PKM: variants seen among roughly 807,000 people sequenced by gnomAD.
The protein encoded by PKM is pyruvate kinase PKM.
A neutral mutation model predicts 49.8 loss-of-function variants in PKM; 18 were observed. That is an observed-to-expected ratio of 0.36 (90% confidence interval 0.25 to 0.54). PKM has a LOEUF of 0.54. Among genes scored for constraint, PKM ranks in the 20% least tolerant of loss-of-function variants. The pLI, the probability that PKM is intolerant of heterozygous loss-of-function variation, is 0.89. For missense variants in PKM, 508 were observed against 713.8 expected (o/e 0.71, Z 3.28); for synonymous variants, 239 against 261.8 (o/e 0.91, Z 0.84).
chr15:72,202,670 T>C lies in PKM; in HGVS notation c.1141-50A>G. On this transcript the variant is annotated intron_variant, in intron 8 of 10. Coordinates refer to ENST00000335181, the MANE Select transcript of PKM (RefSeq NM_002654.6). The surrounding 1 kb of genome is among the most constrained non-coding windows in gnomAD (Gnocchi z 4.5). Reference sequence around the variant, plus strand: ...GGGACGAGAGGGGGACAGAGCTTTGTCAGAGCTTTGTCACAAAAGGAGAGG... The same window carrying C: ...GGGACGAGAGGGGGACAGAGCTTTGCCAGAGCTTTGTCACAAAAGGAGAGG... 6.6e-7 allele frequency: 1 copy of C among 1,515,244 alleles called. No individual in the cohort carries two copies. Among genetic ancestry groups the C allele is most frequent in the Non-Finnish European group, 9.1e-7 (1 of 1,100,234 alleles). The allele number at this position is 1,515,244 out of a possible 1,614,324, so 93.9% of individuals were successfully genotyped here. A position where few individuals can be genotyped will look rare whatever the true frequency, so the allele number is the denominator to read the frequency against.
rs1485061490 is a variant in PKM, at chr15:72,208,709, C to A, written c.748G>T (p.Asp250Tyr). ...VFASFIRKAS[D>Y]VHEVRKVLGE... ...AGGACCTTCCTAACTTCATGGACAT[C>A]AGATGCCTTGCGGATGAATGACGCA... The change falls in exon 6 of 11, where the codon GAT becomes TAT. Residue 250 changes from aspartate to tyrosine, a missense_variant. Transcript: ENST00000335181. 6.2e-7 allele frequency: 1 copy of A among 1,614,184 alleles called. No homozygotes were observed. The highest frequency in any genetic ancestry group is 1.7e-5 in the Admixed American group (1 of 60,012).
At chr15:72,231,233 C>G (rs1232107103), upstream of PKM, 6 of 163,754 alleles carry the variant, frequency 3.7e-5, no homozygotes, top group African/African-American at 1.2e-4. Context: ...CGCTGCGGGC[C>G]GCCGCAATCC....
chr15:72,226,200 G>A (rs946861578), intron 1 of PKM, among the ~76,000 whole-genome samples: 2 of 152,130 alleles, frequency 1.3e-5, no homozygotes, highest in East Asian at 1.9e-4. Flanking sequence ...GTTCTTTTTC[G>A]TTCATGGCCA....
intron 8 of PKM, among the ~76,000 whole-genome samples, chr15:72,205,070 T>C (rs2082037407): frequency 6.6e-6 from 1 of 151,722 alleles, no homozygotes; most frequent in Non-Finnish European, 1.5e-5. Flanking sequence ...CTACATTAAG[T>C]GGGCCTGGGA....
Position 72,202,704 on chromosome 15 carries a change from G to C in PKM, c.1141-84C>G. On this transcript the variant is annotated intron_variant, in intron 8 of 10. Transcript: ENST00000335181. This position sits in a 1 kb window ranked among gnomAD's most constrained non-coding sequence, Gnocchi z 4.5. ...TGTCACAAAAGGAGAGGGAGGGGAA[G>C]AGTCACCGGACAGCTGGTGAGGAAC... is the stretch of plus-strand genomic sequence containing the variant. 9 of 1,189,004 alleles carry C rather than the reference G, an allele frequency of 7.6e-6. No individual in the cohort carries two copies. The highest frequency in any genetic ancestry group is 1.1e-5 in the Non-Finnish European group (9 of 817,818). 73.7% of individuals were successfully genotyped at this position (1,189,004 alleles called of 1,614,324 possible). A position where few individuals can be genotyped will look rare whatever the true frequency, so the allele number is the denominator to read the frequency against.
In PKM at chr15:72,207,233, C is replaced by A; in HGVS notation, c.881G>T (p.Arg294Leu). ...LEASDGIMVA[R>L]GDLGIEIPAE... is the part of the protein sequence containing the mutation. Reference sequence around the variant, plus strand: ...AGGAATCTCAATGCCTAGATCACCACGAGCCACCATGATCCCATCACTGGC... The same window carrying A: ...AGGAATCTCAATGCCTAGATCACCAAGAGCCACCATGATCCCATCACTGGC... Residue 294 changes from arginine to leucine, a missense_variant, in exon 7 of 11, where the codon CGT becomes CTT. By Grantham distance (102) the Arg-to-Leu change is moderately radical. Transcript: ENST00000335181. 1 of 1,614,114 alleles carries A rather than the reference C, an allele frequency of 6.2e-7. No homozygotes were observed. Among genetic ancestry groups the A allele is most frequent in the Non-Finnish European group, 8.5e-7 (1 of 1,179,980 alleles).
Position 72,220,250 on chromosome 15 carries a change from G to A in PKM, c.-13-1140C>T, listed in dbSNP as rs8192390. Among the ~76,000 whole-genome samples the A allele has an allele frequency of 1.4e-3, 216 of 152,274 alleles. 2 individuals carry two copies. In the East Asian group the frequency reaches 0.032, roughly 23 times the overall value. On this transcript the variant is annotated intron_variant, in intron 1 of 10. Transcript: ENST00000335181. ...TAAAACGCTTGAGCCTAAATGCTTC[G>A]GCCAAGCAAGGCTCAGGAACAAGCT...
chr15:72,217,505 T>C lies in PKM; in HGVS notation c.155-5A>G. 1 of 1,575,444 alleles carries C rather than the reference T, an allele frequency of 6.3e-7. No homozygotes were observed. Among genetic ancestry groups the C allele is most frequent in the Admixed American group, 1.7e-5 (1 of 59,992 alleles). ...CCACTGATCGGGAAGCTGGGCCTAT[T>C]AGGAAAAGTTTTAAAGCCACAAGTA... On this transcript the variant is annotated splice_region_variant and splice_polypyrimidine_tract_variant and intron_variant, in intron 2 of 10. Transcript: ENST00000335181.
At chr15:72,212,453 CGACA>C (rs1252596220) in intron 3 of PKM, among the ~76,000 whole-genome samples, 23 of 145,942 alleles carry the variant, frequency 1.6e-4, no homozygotes, top group Admixed American at 1.4e-3. Context: ...CCAGCCTGGG[CGACA>C]GACAGAGTGA....
At chr15:72,217,597 CT>C (rs2082407961) in intron 2 of PKM, 97 bp from the exon 3 acceptor site, 1 of 806,716 alleles carries the variant, frequency 1.2e-6, no homozygotes, top group Non-Finnish European at 2.1e-6. Context: ...TCCCTGAAAA[CT>C]TTTCCTCTCC....
chr15:72,209,499 A>T (rs1391619587), intron 5 of PKM, 174 bp downstream of exon 5: 2 of 552,214 alleles, frequency 3.6e-6, no homozygotes, highest in Non-Finnish European at 6.6e-6. Context: ...GAAGAATGTA[A>T]CTATGCTGGA....
Position 72,202,512 on chromosome 15 carries a change from C to A in PKM, c.1249G>T (p.Val417Leu). The A allele has an allele frequency of 6.2e-7, 1 of 1,613,632 alleles. No homozygotes were observed. Among genetic ancestry groups the A allele is most frequent in the Non-Finnish European group, 8.5e-7 (1 of 1,179,912 alleles). Residue 417 changes from valine (V) to leucine (L), a missense_variant, in exon 9 of 11, where the codon GTG becomes TTG. Coordinates refer to ENST00000335181, the MANE Select transcript of PKM (RefSeq NM_002654.6). This position sits in a 1 kb window ranked among gnomAD's most constrained non-coding sequence, Gnocchi z 4.5. Reference protein sequence around the residue: ...DPTEATAVGAVEASFKCCSGA... With the variant: ...DPTEATAVGALEASFKCCSGA... ...CTGCAGCACTTGAAGGAGGCCTCCA[C>A]GGCACCCACGGCGGTGGCTTCTGTG...
intron 1 of PKM, chr15:72,228,495 C>T: frequency 2.1e-6 from 1 of 470,818 alleles, no homozygotes; most frequent in South Asian, 1.6e-5. Context: ...AGGGGAAATG[C>T]ATGCTTCATT....
At chr15:72,217,615 G>C in intron 2 of PKM, 115 bp from the exon 3 acceptor site, 1 of 718,558 alleles carries the variant, frequency 1.4e-6, no homozygotes, top group South Asian at 1.5e-5. Flanking sequence ...CTCCCAAATA[G>C]CTCAAAAGTC....
At chr15:72,221,350 T>G (rs542520669) in intron 1 of PKM, 2 of 919,030 alleles carry the variant, frequency 2.2e-6, no homozygotes, top group East Asian at 2.6e-5. Flanking sequence ...AAAAATTACC[T>G]TAATAACCAG....
chr15:72,213,279 ACTGTC>A (rs2082299919), intron 3 of PKM, among the ~76,000 whole-genome samples: 1 of 152,166 alleles, frequency 6.6e-6, no homozygotes, highest in Non-Finnish European at 1.5e-5. Flanking sequence ...TGGTTTTGGT[ACTGTC>A]CTTGTTTGAT....
At position 72,200,880 on chromosome 15, in the gene PKM, A is replaced by C; in HGVS notation, c.1308-225T>G. 1 of 531,836 alleles carries C rather than the reference A, an allele frequency of 1.9e-6. No individual in the cohort carries two copies. The highest frequency in any genetic ancestry group is 2.4e-5 in the South Asian group (1 of 42,034). The allele number at this position is 531,836 out of a possible 1,614,324, so 32.9% of individuals were successfully genotyped here. A position where few individuals can be genotyped will look rare whatever the true frequency, so the allele number is the denominator to read the frequency against. ...CCCTCTACCCCCATTCCACAGGCCA[A>C]GGGCTCAGGATCACCTTGACCCAGC... On this transcript the variant is annotated intron_variant, in intron 9 of 10. Transcript: ENST00000335181. This position sits in a 1 kb window ranked among gnomAD's most constrained non-coding sequence, Gnocchi z 4.6.
At chr15:72,227,744 C>CAAAA (rs34876633) in intron 1 of PKM, among the ~76,000 whole-genome samples, 13 of 10,792 alleles carry the variant, frequency 1.2e-3, no homozygotes, top group African/African-American at 3.6e-3. Flanking sequence ...AAAACTATCT[C>CAAAA]AAAAAAAAAA....
In PKM at chr15:72,202,425, C is replaced by G; in HGVS notation, c.1307+29G>C. The G allele has an allele frequency of 3.1e-6, 5 of 1,603,666 alleles. No homozygotes were observed. The highest frequency in any genetic ancestry group is 4.3e-6 in the Non-Finnish European group (5 of 1,174,950). On this transcript the variant is annotated intron_variant, in intron 9 of 10. Coordinates refer to ENST00000335181, the MANE Select transcript of PKM (RefSeq NM_002654.6). This position sits in a 1 kb window ranked among gnomAD's most constrained non-coding sequence, Gnocchi z 4.5. The stretch of plus-strand genomic sequence containing the variant: ...CAAGGTGAGGTACCACTGAGCAGGG[C>G]ATTCCAGGGAGCCGCTGCCGCCTCC...
Sources: allele counts gnomAD v4.1 joint callset (sites outside exome capture counted in the v4.1 genomes callset), GRCh38; gene constraint gnomAD v4.1.1; non-coding constraint Gnocchi (gnomAD v3.1); transcripts MANE v1.5; gene names NCBI Gene and HGNC (gene_info 2026-07-23, HGNC 2026-07-21).